Variants in XKR6 observed in about 807,000 individuals in gnomAD.
The protein encoded by XKR6 is XK related 6.
Under a neutral mutation model 56.7 loss-of-function variants are expected in XKR6, and 22 were observed. That is an observed-to-expected ratio of 0.39 (90% CI 0.28 to 0.55). The LOEUF (loss-of-function observed/expected upper bound fraction) is 0.55, where lower values mean the gene tolerates loss of function less well. Among genes scored for constraint, XKR6 ranks in the 20% least tolerant of loss-of-function variants. The pLI is 0.66. For missense variants in XKR6, 852 were observed against 889.0 expected, an observed-to-expected ratio of 0.96 and a Z score of 0.53; for synonymous variants, 524 against 387.8, an observed-to-expected ratio of 1.35 and a Z score of -4.13.
chr8:10,971,960 C>G (rs1297389947), intron 1 of XKR6, among the ~76,000 whole-genome samples: 1 of 151,838 alleles, frequency 6.6e-6, no homozygotes, highest in South Asian at 2.1e-4. Flanking sequence ...ATTTTTTAGT[C>G]TCATCTCCTT....
chr8:11,059,167 G>C (rs1458836804), intron 1 of XKR6, among the ~76,000 whole-genome samples: 1 of 152,250 alleles, frequency 6.6e-6, no homozygotes, highest in Non-Finnish European at 1.5e-5. Context: ...GTGGCGGCCA[G>C]GGTTTCGAGG....
Position 10,896,978 on chromosome 8 carries a change from A to G in XKR6, c.*974T>C, listed in dbSNP as rs1325876406. On this transcript the variant is annotated 3_prime_UTR_variant, in exon 3 of 3. Coordinates refer to ENST00000416569, the MANE Select transcript of XKR6 (RefSeq NM_173683.4). Reference sequence around the variant, plus strand: ...AACTGATGTCGTTCTTTTTGCTACTATGCTGAGTTTTATTATTACTGACTA... The same window carrying G: ...AACTGATGTCGTTCTTTTTGCTACTGTGCTGAGTTTTATTATTACTGACTA... 6.6e-6 allele frequency: 1 copy of G among 152,586 alleles called. No homozygotes were observed. The highest frequency in any genetic ancestry group is 1.9e-4 in the East Asian group (1 of 5,200). The allele number at this position is 152,586 out of a possible 1,614,324, so 9.5% of individuals were successfully genotyped here. A position where few individuals can be genotyped will look rare whatever the true frequency, so the allele number is the denominator to read the frequency against.
At chr8:11,132,001 C>T (rs551637370) in intron 1 of XKR6, among the ~76,000 whole-genome samples, 1 of 152,098 alleles carries the variant, frequency 6.6e-6, no homozygotes, top group Admixed American at 6.5e-5. Flanking sequence ...TCCCCTAGTG[C>T]TGCTGGCCCG....
In XKR6 at chr8:11,034,126, G is replaced by C. The variant is rs75212406; in HGVS notation, c.765-109296C>G. 8.1e-3 allele frequency among the ~76,000 whole-genome samples: 1,238 copies of C among 152,328 alleles called. 13 individuals carry two copies. The highest frequency in any genetic ancestry group is 0.014 in the Non-Finnish European group (944 of 68,032). On this transcript the variant is annotated intron_variant, in intron 1 of 2. Transcript: ENST00000416569. ...AATCACATAAAACGCATGCCTCAAG[G>C]AGACATGGCCTGTGTAGGAGATAAA...
intron 2 of XKR6, among the ~76,000 whole-genome samples, chr8:10,901,055 C>CTTTT (rs35359233): frequency 2.4e-4 from 29 of 122,258 alleles, no homozygotes; most frequent in African/African-American, 6.6e-4. Context: ...GTTTCTACTT[C>CTTTT]TTTTTTTTTT....
intron 1 of XKR6, among the ~76,000 whole-genome samples, chr8:11,121,454 T>G (rs1006852757): frequency 3.3e-5 from 5 of 152,194 alleles, no homozygotes; most frequent in Non-Finnish European, 4.4e-5. Context: ...TCACTGGCCA[T>G]CAGAGAAATG....
chr8:11,200,514 C>A lies in XKR6; in HGVS notation c.764+62G>T, dbSNP rs190604976. Reference sequence around the variant, plus strand: ...CCTTTCGAGGGGCCGCCCCGCGAAGCACCGGGAGGGCGGAGGGGGGCTCCT... The same window carrying A: ...CCTTTCGAGGGGCCGCCCCGCGAAGAACCGGGAGGGCGGAGGGGGGCTCCT... On this transcript the variant is annotated intron_variant, in intron 1 of 2. Transcript: ENST00000416569. This position sits in a 1 kb window ranked among gnomAD's most constrained non-coding sequence, Gnocchi z 6.4. The A allele has an allele frequency of 5.5e-3, 7,645 of 1,388,426 alleles. 380 individuals carry two copies. The African/African-American group carries it at 0.1, about 19-fold the overall frequency. The allele number at this position is 1,388,426 out of a possible 1,614,324, so 86.0% of individuals were successfully genotyped here. A position where few individuals can be genotyped will look rare whatever the true frequency, so the allele number is the denominator to read the frequency against.
At chr8:11,185,690 C>T (rs998913109) in intron 1 of XKR6, among the ~76,000 whole-genome samples, 1 of 152,166 alleles carries the variant, frequency 6.6e-6, no homozygotes. Context: ...TCCAATCTTT[C>T]CTCAACCAGA....
chr8:11,193,712 T>C (rs1803708581), intron 1 of XKR6, among the ~76,000 whole-genome samples: 1 of 148,370 alleles, frequency 6.7e-6, no homozygotes, highest in Admixed American at 6.8e-5. Context: ...AAACAACAAA[T>C]TACAGCAGGT....
chr8:11,026,050 C>A (rs1301384002), intron 1 of XKR6, among the ~76,000 whole-genome samples: 1 of 152,184 alleles, frequency 6.6e-6, no homozygotes, highest in Non-Finnish European at 1.5e-5. Context: ...CACCAATCAA[C>A]AACGGGGATA....
At chr8:11,173,891 G>C (rs1293206404) in intron 1 of XKR6, among the ~76,000 whole-genome samples, 1 of 152,138 alleles carries the variant, frequency 6.6e-6, no homozygotes, top group Non-Finnish European at 1.5e-5. Flanking sequence ...CTAGTTATTA[G>C]ACGGGACACA....
At chr8:11,079,390 G>A (rs528088746) in intron 1 of XKR6, among the ~76,000 whole-genome samples, 2 of 152,220 alleles carry the variant, frequency 1.3e-5, no homozygotes, top group Non-Finnish European at 2.9e-5. Flanking sequence ...TTTGACTTAA[G>A]AACTGTCCAC....
rs1327635441 is a variant in XKR6 at position 10,898,158 on chromosome 8, A to G, written c.1720T>C (p.Leu574=). The G allele has an allele frequency of 4.3e-6, 7 of 1,614,090 alleles. No homozygotes were observed. The highest frequency in any genetic ancestry group is 3.3e-5 in the South Asian group (3 of 91,084). The change falls in exon 3 of 3, where the codon TTG becomes CTG. Residue 574 remains leucine (L), a synonymous_variant. Coordinates refer to ENST00000416569, the MANE Select transcript of XKR6 (RefSeq NM_173683.4). This position sits in a 1 kb window ranked among gnomAD's most constrained non-coding sequence, Gnocchi z 6.6. ...QVRPMGPPTP[L]GRPYLPEGPL... is the part of the protein sequence containing the mutation. ...CCTTCTGGGAGGTAAGGACGCCCCA[A>G]CGGGGTAGGGGGCCCCATGGGTCTC...
chr8:11,072,111 G>A (rs1338589094), intron 1 of XKR6, among the ~76,000 whole-genome samples: 2 of 152,110 alleles, frequency 1.3e-5, no homozygotes, highest in East Asian at 1.9e-4. Flanking sequence ...TAACCCTCTG[G>A]CACCCAACAG....
At chr8:10,935,510 C>A (rs1459817172) in intron 1 of XKR6, among the ~76,000 whole-genome samples, 2 of 125,664 alleles carry the variant, frequency 1.6e-5, no homozygotes, top group African/African-American at 3.1e-5. Flanking sequence ...AATTTTGGAT[C>A]TTTCCTGCTT....
chr8:10,951,310 G>C (rs1156792649), intron 1 of XKR6, among the ~76,000 whole-genome samples: 11 of 103,902 alleles, frequency 1.1e-4, no homozygotes, highest in Non-Finnish European at 2.1e-4. Flanking sequence ...GGGGGGGGGG[G>C]CCCCCACAGT....
chr8:10,904,068 C>T (rs1800117439), intron 2 of XKR6, among the ~76,000 whole-genome samples: 1 of 152,180 alleles, frequency 6.6e-6, no homozygotes, highest in African/African-American at 2.4e-5. Flanking sequence ...CTCCACGGTT[C>T]CCTTCCGCTT....
intron 2 of XKR6, among the ~76,000 whole-genome samples, chr8:10,915,301 T>C: frequency 6.6e-6 from 1 of 152,062 alleles, no homozygotes; most frequent in East Asian, 1.9e-4. Context: ...GAATCAACGT[T>C]CCACCTGCAG....
chr8:11,191,590 T>A (rs1334109584), intron 1 of XKR6, among the ~76,000 whole-genome samples: 1 of 151,480 alleles, frequency 6.6e-6, no homozygotes, highest in Non-Finnish European at 1.5e-5. Context: ...CAACTTCAAG[T>A]TTACTAGAAA....
Sources: allele counts gnomAD v4.1 joint callset (sites outside exome capture counted in the v4.1 genomes callset), GRCh38; gene constraint gnomAD v4.1.1; non-coding constraint Gnocchi (gnomAD v3.1); transcripts MANE v1.5; gene names NCBI Gene and HGNC (gene_info 2026-07-23, HGNC 2026-07-21).